Variants in RABGAP1L observed in about 807,000 individuals in gnomAD.
RABGAP1L encodes rab GTPase-activating protein 1-like.
Under a neutral mutation model 137.7 loss-of-function variants are expected in RABGAP1L, and 63 were observed. That is an observed-to-expected ratio of 0.46 (90% CI 0.37 to 0.56). RABGAP1L has a LOEUF of 0.56. Ranked by LOEUF, RABGAP1L falls within the 20% of genes least tolerant of loss-of-function variation. The pLI, the probability that RABGAP1L is intolerant of heterozygous loss-of-function variation, is 0.00. For synonymous variants in RABGAP1L, 431 were observed against 433.7 expected, an observed-to-expected ratio of 0.99 and a Z score of 0.08; for missense variants, 1,095 against 1,244.0, an observed-to-expected ratio of 0.88 and a Z score of 1.80.
chr1:174,641,901 A>G (rs1013266672), intron 14 of RABGAP1L, among the ~76,000 whole-genome samples: 2 of 152,152 alleles, frequency 1.3e-5, no homozygotes, highest in African/African-American at 2.4e-5. Flanking sequence ...CTGGCTCTCA[A>G]TACTAAAGAT....
intron 12 of RABGAP1L, among the ~76,000 whole-genome samples, chr1:174,372,568 C>A (rs1318507120): frequency 6.6e-6 from 1 of 152,108 alleles, no homozygotes; most frequent in South Asian, 2.1e-4. Flanking sequence ...TCCTTGACAT[C>A]ATTTAATTCT....
At chr1:174,311,257 TGA>T (rs1279865162) in intron 11 of RABGAP1L, among the ~76,000 whole-genome samples, 2 of 150,678 alleles carry the variant, frequency 1.3e-5, no homozygotes, top group East Asian at 2.0e-4. Flanking sequence ...GGAGAGAGAG[TGA>T]GAGAGAGAAA....
Position 174,448,922 on chromosome 1 carries a change from A to G in RABGAP1L, c.1710+54777A>G, listed in dbSNP as rs769467143. 6.8e-6 allele frequency: 11 copies of G among 1,613,876 alleles called. No homozygotes were observed. The highest frequency in any genetic ancestry group is 1.1e-5 in the South Asian group (1 of 91,074). Reference sequence around the variant, plus strand: ...CTACGCCATGGTTTTGTTTAGGATAACCAGTGTATTTTATATGCTGTGGCT... The same window carrying G: ...CTACGCCATGGTTTTGTTTAGGATAGCCAGTGTATTTTATATGCTGTGGCT... On this transcript the variant is annotated intron_variant, in intron 13 of 25. Coordinates refer to ENST00000681986, the MANE Select transcript of RABGAP1L (RefSeq NM_001366446.1). This position sits in a 1 kb window ranked among gnomAD's most constrained non-coding sequence, Gnocchi z 4.2.
chr1:174,308,080 T>G (rs1678471615), intron 11 of RABGAP1L, among the ~76,000 whole-genome samples: 1 of 152,076 alleles, frequency 6.6e-6, no homozygotes, highest in South Asian at 2.1e-4. Context: ...TGAGTACCTT[T>G]GCATATACCT....
At position 174,819,186 on chromosome 1, in the gene RABGAP1L, C is replaced by CT. The variant is rs1484890336; in HGVS notation, c.2340+7227dup. On this transcript the variant is annotated intron_variant, in intron 19 of 25. Coordinates refer to ENST00000681986, the MANE Select transcript of RABGAP1L (RefSeq NM_001366446.1). ...TGACAGAGCAAGACTCTGCCTGTCTCTAAAAAAAAAAAAAAAAAAAAAAAA... is the reference window on the plus strand; with the variant it reads ...TGACAGAGCAAGACTCTGCCTGTCTCTTAAAAAAAAAAAAAAAAAAAAAAAA... Among the ~76,000 whole-genome samples, 488 of 60,088 alleles carry CT rather than the reference C, an allele frequency of 8.1e-3. 9 individuals carry two copies. Among genetic ancestry groups the CT allele is most frequent in the African/African-American group, 0.034 (466 of 13,600 alleles). The allele number at this position is 60,088 out of a possible 152,430, so 39.4% of individuals were successfully genotyped here.
At chr1:174,612,156 A>C (rs1329301135) in intron 13 of RABGAP1L, among the ~76,000 whole-genome samples, 1 of 152,194 alleles carries the variant, frequency 6.6e-6, no homozygotes, top group Non-Finnish European at 1.5e-5. Context: ...GAATGCTTCC[A>C]GTTTTTGCCC....
At chr1:174,737,160 ACTT>A (rs1354840761) in intron 17 of RABGAP1L, among the ~76,000 whole-genome samples, 2 of 151,988 alleles carry the variant, frequency 1.3e-5, no homozygotes, top group African/African-American at 4.8e-5. Flanking sequence ...AACTTTCCAA[ACTT>A]CTTTGTTCTG....
At chr1:174,833,374 G>A (rs12030499) in intron 19 of RABGAP1L, among the ~76,000 whole-genome samples, 1,283 of 36,366 alleles carry the variant, frequency 0.035, 41 homozygotes, top group African/African-American at 0.057. Context: ...TAATTTGTGT[G>A]TGTGTGTGTG....
At chr1:174,270,660 A>C (rs1380236779) in intron 7 of RABGAP1L, among the ~76,000 whole-genome samples, 3 of 152,092 alleles carry the variant, frequency 2.0e-5, no homozygotes, top group Non-Finnish European at 2.9e-5. Flanking sequence ...AATTTTCAAA[A>C]AGAACAAAAA....
At chr1:174,544,171 G>A (rs1280958930) in intron 13 of RABGAP1L, among the ~76,000 whole-genome samples, 7 of 152,078 alleles carry the variant, frequency 4.6e-5, no homozygotes, top group Non-Finnish European at 1.0e-4. Flanking sequence ...GTTCTCCTGG[G>A]TAATATCCTG....
intron 19 of RABGAP1L, chr1:174,892,613 G>A: frequency 3.7e-6 from 2 of 534,044 alleles, no homozygotes; most frequent in Non-Finnish European, 7.5e-6. Context: ...TGGTGTTCTT[G>A]GCCTGTACAT....
chr1:174,261,828 A>G (rs1029653598), intron 7 of RABGAP1L, among the ~76,000 whole-genome samples: 1 of 152,158 alleles, frequency 6.6e-6, no homozygotes, highest in Non-Finnish European at 1.5e-5. Context: ...TGGATGTTTT[A>G]TTCTCTTATG....
intron 15 of RABGAP1L, among the ~76,000 whole-genome samples, chr1:174,696,239 C>T (rs1679248844): frequency 6.6e-6 from 1 of 152,062 alleles, no homozygotes; most frequent in South Asian, 2.1e-4. Flanking sequence ...CTTCATGTTA[C>T]TGTGGCTGAG....
intron 19 of RABGAP1L, among the ~76,000 whole-genome samples, chr1:174,928,506 T>G (rs1318794039): frequency 6.6e-6 from 1 of 151,938 alleles, no homozygotes; most frequent in African/African-American, 2.4e-5. Flanking sequence ...ATGATTGAGA[T>G]AAAAGAGAAA....
At chr1:174,616,659 C>T (rs79010548) in intron 13 of RABGAP1L, among the ~76,000 whole-genome samples, 2 of 152,120 alleles carry the variant, frequency 1.3e-5, no homozygotes, top group African/African-American at 2.4e-5. Context: ...ATTTGTATGT[C>T]AGCTTAGTGA....
chr1:174,905,021 T>C (rs963396638), intron 19 of RABGAP1L, among the ~76,000 whole-genome samples: 1 of 152,080 alleles, frequency 6.6e-6, no homozygotes, highest in African/African-American at 2.4e-5. Flanking sequence ...CTTTGGGAAC[T>C]CCCTAGTTTG....
At chr1:174,742,182 GAA>G in intron 17 of RABGAP1L, among the ~76,000 whole-genome samples, 1 of 117,438 alleles carries the variant, frequency 8.5e-6, no homozygotes, top group Middle Eastern at 4.0e-3. Context: ...GAAAGAAGAA[GAA>G]GAGGAGGAGG....
chr1:174,892,476 C>T, intron 19 of RABGAP1L: 1 of 462,184 alleles, frequency 2.2e-6, no homozygotes, highest in Non-Finnish European at 4.3e-6. Context: ...TTTCACCTTC[C>T]AGCTTCTTTT....
chr1:174,767,400 CTT>C (rs1382718311), intron 18 of RABGAP1L, among the ~76,000 whole-genome samples: 1 of 152,060 alleles, frequency 6.6e-6, no homozygotes, highest in Non-Finnish European at 1.5e-5. Flanking sequence ...ATACAAAAGT[CTT>C]AAAGCACTTG....
Sources: gnomAD v4.1 joint callset for allele counts (sites outside exome capture counted in the v4.1 genomes callset) on GRCh38, gnomAD v4.1.1 for gene constraint, Gnocchi (gnomAD v3.1) non-coding constraint, MANE v1.5 for transcripts, NCBI Gene and HGNC (gene_info 2026-07-23, HGNC 2026-07-21) for gene names.